Variants in PLCB1 observed in about 807,000 individuals in gnomAD.
PLCB1 encodes phospholipase C beta 1, also known as 1-phosphatidylinositol 4,5-bisphosphate phosphodiesterase beta-1.
Under a neutral mutation model 161.8 loss-of-function variants are expected in PLCB1, and 46 were observed. That is an observed-to-expected ratio of 0.28 (90% CI 0.22 to 0.36). The LOEUF is 0.36. PLCB1 is among the 10% of genes least tolerant of loss of function. The pLI is 1.00. For missense variants in PLCB1, 1,016 were observed against 1,472.5 expected, an observed-to-expected ratio of 0.69 and a Z score of 5.07; for synonymous variants, 517 against 503.7, an observed-to-expected ratio of 1.03 and a Z score of -0.35.
chr20:8,135,519 A>G (rs994394158), intron 1 of PLCB1, among the ~76,000 whole-genome samples: 50 of 152,172 alleles, frequency 3.3e-4, no homozygotes, highest in Non-Finnish European at 1.9e-4. Flanking sequence ...CACAACAGAC[A>G]GCAGGGGGGT....
chr20:8,702,345 ACCT>A (rs1978413287), intron 11 of PLCB1, among the ~76,000 whole-genome samples: 1 of 151,218 alleles, frequency 6.6e-6, no homozygotes, highest in Non-Finnish European at 1.5e-5. Context: ...CCACCTACCC[ACCT>A]CCTTCCCAGG....
At position 8,849,743 on chromosome 20, in the gene PLCB1, G is replaced by A. The variant is rs189540225; in HGVS notation, c.3424-31879G>A. ...AAAAGAACCAAGCAGGGCTGAGCGC[G>A]ATGGCTCATGCCTGTAATCCCAGCA... On this transcript the variant is annotated intron_variant, in intron 31 of 31. Transcript: ENST00000338037. Among the ~76,000 whole-genome samples the A allele has an allele frequency of 1.5e-3, 221 of 151,860 alleles. 1 individual carries two copies. Among genetic ancestry groups the A allele is most frequent in the Admixed American group, 3.5e-3 (54 of 15,216 alleles).
chr20:8,531,103 G>GA (rs971422970), intron 3 of PLCB1, among the ~76,000 whole-genome samples: 14 of 152,014 alleles, frequency 9.2e-5, no homozygotes, highest in African/African-American at 3.4e-4. Context: ...AGAGAATTTA[G>GA]AAAAATGAAT....
At position 8,522,240 on chromosome 20, in the gene PLCB1, C is replaced by G. The variant is rs144243098; in HGVS notation, c.247-106054C>G. 5.6e-3 allele frequency among the ~76,000 whole-genome samples: 847 copies of G among 152,278 alleles called. 8 individuals are homozygous for G. The highest frequency in any genetic ancestry group is 0.018 in the African/African-American group (748 of 41,556). ...CTTGGATTGAACACACATCTTGCTTCCCTTCTTCCCTTACAAGCGTTTCCT... is the reference window on the plus strand; with the variant it reads ...CTTGGATTGAACACACATCTTGCTTGCCTTCTTCCCTTACAAGCGTTTCCT... On this transcript the variant is annotated intron_variant, in intron 3 of 31. Coordinates refer to ENST00000338037, the MANE Select transcript of PLCB1 (RefSeq NM_015192.4).
At chr20:8,236,501 C>T (rs144121310) in intron 2 of PLCB1, among the ~76,000 whole-genome samples, 132 of 151,968 alleles carry the variant, frequency 8.7e-4, no homozygotes, top group African/African-American at 3.2e-3. Context: ...CAACTGCACT[C>T]CAGCTTGGGT....
chr20:8,486,443 ATTAAATGTT>A (rs1982724970), intron 3 of PLCB1, among the ~76,000 whole-genome samples: 1 of 149,886 alleles, frequency 6.7e-6, no homozygotes, highest in South Asian at 2.1e-4. Context: ...TATTAAATGC[ATTAAATGTT>A]TTTCTCTCAG....
At chr20:8,838,673 G>A (rs1986383235) in intron 31 of PLCB1, among the ~76,000 whole-genome samples, 1 of 152,180 alleles carries the variant, frequency 6.6e-6, no homozygotes, top group Admixed American at 6.5e-5. Flanking sequence ...ATTCCTGAAG[G>A]ATGGCAGAGA....
At chr20:8,545,977 T>C (rs1952874693) in intron 3 of PLCB1, among the ~76,000 whole-genome samples, 1 of 152,196 alleles carries the variant, frequency 6.6e-6, no homozygotes, top group South Asian at 2.1e-4. Context: ...TTGTGTTCTT[T>C]GTATGCCATC....
intron 2 of PLCB1, among the ~76,000 whole-genome samples, chr20:8,251,683 G>A (rs1014642407): frequency 3.9e-5 from 6 of 151,934 alleles, no homozygotes; most frequent in Non-Finnish European, 5.9e-5. Flanking sequence ...CCTTTTAGGA[G>A]GCATCTGCTA....
intron 31 of PLCB1, among the ~76,000 whole-genome samples, chr20:8,862,475 C>T (rs1487388037): frequency 6.6e-6 from 1 of 152,152 alleles, no homozygotes; most frequent in African/African-American, 2.4e-5. Flanking sequence ...CCTGAGTGAT[C>T]ACATATAATG....
intron 31 of PLCB1, among the ~76,000 whole-genome samples, chr20:8,847,649 A>T (rs565032725): frequency 1.3e-5 from 2 of 152,184 alleles, no homozygotes; most frequent in African/African-American, 4.8e-5. Flanking sequence ...TTCAGGTGCC[A>T]GTTGCAAGAC....
intron 2 of PLCB1, among the ~76,000 whole-genome samples, chr20:8,308,078 G>A (rs1373357874): frequency 6.6e-6 from 1 of 151,982 alleles, no homozygotes; most frequent in Non-Finnish European, 1.5e-5. Flanking sequence ...TAAACAAAAT[G>A]CATTGCTGCT....
intron 3 of PLCB1, among the ~76,000 whole-genome samples, chr20:8,494,591 C>T (rs757968221): frequency 2.0e-5 from 3 of 152,194 alleles, no homozygotes; most frequent in Non-Finnish European, 4.4e-5. Context: ...GAAAAACAGG[C>T]TTTTCTCATT....
chr20:8,517,659 A>G (rs1984187152), intron 3 of PLCB1, among the ~76,000 whole-genome samples: 1 of 152,192 alleles, frequency 6.6e-6, no homozygotes, highest in African/African-American at 2.4e-5. Context: ...CCTGTGTTCC[A>G]CAGGACTGAA....
chr20:8,859,602 T>C (rs1987187607), intron 31 of PLCB1, among the ~76,000 whole-genome samples: 1 of 152,174 alleles, frequency 6.6e-6, no homozygotes, highest in Non-Finnish European at 1.5e-5. Flanking sequence ...AGTCTTCTAG[T>C]AATTCAAGAA....
chr20:8,811,215 AG>A, intron 31 of PLCB1, among the ~76,000 whole-genome samples: 1 of 152,310 alleles, frequency 6.6e-6, no homozygotes, highest in South Asian at 2.1e-4. Context: ...ATCAGCCAAA[AG>A]GTGGGGAAGG....
At chr20:8,518,688 G>T (rs908015166) in intron 3 of PLCB1, among the ~76,000 whole-genome samples, 1 of 152,110 alleles carries the variant, frequency 6.6e-6, no homozygotes, top group African/African-American at 2.4e-5. Flanking sequence ...AGGGCAGCAG[G>T]TTGGGAGGGC....
At chr20:8,410,222 G>T (rs78281703) in intron 3 of PLCB1, among the ~76,000 whole-genome samples, 25 of 151,898 alleles carry the variant, frequency 1.6e-4, no homozygotes, top group Non-Finnish European at 3.4e-4. Context: ...TATAGTTCTC[G>T]GTTTGGTGCT....
chr20:8,632,656 G>A (rs1317230982), intron 4 of PLCB1, among the ~76,000 whole-genome samples: 1 of 152,124 alleles, frequency 6.6e-6, no homozygotes, highest in Non-Finnish European at 1.5e-5. Context: ...AGGAGGTGAG[G>A]GAATAAGTCA....
Sources: allele counts gnomAD v4.1 joint callset (sites outside exome capture counted in the v4.1 genomes callset), GRCh38; gene constraint gnomAD v4.1.1; transcripts MANE v1.5; gene names NCBI Gene and HGNC (gene_info 2026-07-23, HGNC 2026-07-21).